The following WDR44 variants were observed in gnomAD, a reference collection of about 807,000 sequenced individuals.
WDR44 encodes WD repeat domain 44, also known as WD repeat-containing protein 44.
A neutral mutation model predicts 65.7 loss-of-function variants in WDR44; 9 were observed. The ratio of observed to expected loss-of-function variants is 0.14; its 90% CI spans 0.08 to 0.24. The LOEUF (loss-of-function observed/expected upper bound fraction) is 0.24, where lower values mean the gene tolerates loss of function less well. WDR44 is among the 10% of genes least tolerant of loss of function. WDR44 has a pLI of 1.00. For synonymous variants in WDR44, 220 were observed against 235.2 expected (o/e 0.94, Z 0.59); for missense variants, 425 against 670.9 (o/e 0.63, Z 4.05).
intron 11 of WDR44, among the ~76,000 whole-genome samples, chrX:118,410,638 G>A (rs1487284530): frequency 2.7e-5 from 3 of 111,467 alleles, no homozygotes; most frequent in Non-Finnish European, 5.7e-5. Flanking sequence ...TGTTCTATTC[G>A]AATACTGAGG....
chrX:118,423,774 G>A (rs1284850070), intron 12 of WDR44, among the ~76,000 whole-genome samples: 1 of 111,600 alleles, frequency 9.0e-6, no homozygotes, highest in Non-Finnish European at 1.9e-5. Flanking sequence ...CAGCCCCAAG[G>A]CCCTCGCAAT....
chrX:118,378,540 G>C, intron 2 of WDR44, 88 bp downstream of exon 2: 1 of 980,580 alleles, frequency 1.0e-6, no homozygotes, highest in Non-Finnish European at 1.4e-6. Context: ...TCTTGCTTTT[G>C]CTTTTTTTTA....
rs2056830576 is a variant in WDR44, at chrX:118,392,773, C to A, written c.328C>A (p.Leu110Met). Residue 110 changes from leucine to methionine, a missense_variant, in exon 4 of 20, where the codon CTG becomes ATG. Transcript: ENST00000254029. The part of the protein sequence containing the change: ...ARTDLSNIPG[L>M]LAIDQVLPEE... ...AACAGATCTGAGCAATATACCCGGA[C>A]TGTTAGCCATAGATCAAGTACTACC... 3 of 1,209,997 alleles carry A rather than the reference C, an allele frequency of 2.5e-6. No individual in the cohort carries two copies. Among genetic ancestry groups the A allele is most frequent in the Admixed American group, 4.4e-5 (2 of 45,700 alleles).
intron 8 of WDR44, 92 bp from the exon 9 acceptor site, chrX:118,404,246 G>A (rs1174747877): frequency 5.0e-6 from 3 of 595,344 alleles, no homozygotes; most frequent in Non-Finnish European, 8.2e-6. Flanking sequence ...TTTCAAAGTA[G>A]TGTACTTTAT....
intron 12 of WDR44, among the ~76,000 whole-genome samples, chrX:118,432,532 T>C (rs1183845113): frequency 3.6e-5 from 4 of 111,902 alleles, no homozygotes; most frequent in African/African-American, 1.3e-4. Flanking sequence ...AGATGCTTAT[T>C]AGGGGCTCTA....
At position 118,386,262 on chromosome X, in the gene WDR44, A is replaced by G; in HGVS notation, c.112-1078A>G. 1.1e-5 allele frequency: 3 copies of G among 277,868 alleles called. No homozygotes were observed. The South Asian group carries it at 1.3e-4, about 12-fold the overall frequency. The allele number at this position is 277,868 out of a possible 1,213,427, so 22.9% of individuals were successfully genotyped here. On this transcript the variant is annotated intron_variant, in intron 2 of 19. Coordinates refer to ENST00000254029, the MANE Select transcript of WDR44 (RefSeq NM_019045.5). ...GTTTTTTTTCCTCAGTATCAAGAGT[A>G]GCATTCAAATTGCTGTGCTTCTATA... is the stretch of plus-strand genomic sequence containing the variant.
intron 1 of WDR44, among the ~76,000 whole-genome samples, chrX:118,371,877 C>T (rs775914917): frequency 7.2e-5 from 8 of 110,551 alleles, no homozygotes; most frequent in Admixed American, 2.9e-4. Context: ...TTTATGTAGA[C>T]ATTTGAACTT....
At chrX:118,433,939 G>T (rs1391219393) in intron 13 of WDR44, among the ~76,000 whole-genome samples, 1 of 75,670 alleles carries the variant, frequency 1.3e-5, no homozygotes, top group Admixed American at 1.6e-4. Context: ...CCTTATCAAG[G>T]ATTTAAAACC....
intron 12 of WDR44, among the ~76,000 whole-genome samples, chrX:118,431,791 T>C (rs1291758952): frequency 8.9e-6 from 1 of 112,221 alleles, no homozygotes; most frequent in Non-Finnish European, 1.9e-5. Context: ...GGACTTACAG[T>C]TAGATGACTT....
chrX:118,412,809 C>T (rs919046953), intron 12 of WDR44, among the ~76,000 whole-genome samples: 1 of 111,715 alleles, frequency 9.0e-6, no homozygotes, highest in African/African-American at 3.3e-5. Context: ...AAGGAGTATA[C>T]ACTGCACCTA....
At position 118,378,913 on chromosome X, in the gene WDR44, G is replaced by A. The variant is rs778065050; in HGVS notation, c.111+461G>A. On this transcript the variant is annotated intron_variant, in intron 2 of 19. Coordinates refer to ENST00000254029, the MANE Select transcript of WDR44 (RefSeq NM_019045.5). ...ACAAAAATTATCCAGGTGTGGTGGCGCAGACCTGTATTCCCAGCTACTTGG... is the reference window on the plus strand; with the variant it reads ...ACAAAAATTATCCAGGTGTGGTGGCACAGACCTGTATTCCCAGCTACTTGG... 4.7e-5 allele frequency among the ~76,000 whole-genome samples: 5 copies of A among 107,481 alleles called. No homozygotes were observed. The South Asian group carries it at 2.1e-3, about 44-fold the overall frequency. The allele number at this position is 107,481 out of a possible 115,157, so 93.3% of individuals were successfully genotyped here.
At chrX:118,425,671 T>G (rs892697971) in intron 12 of WDR44, among the ~76,000 whole-genome samples, 2 of 111,765 alleles carry the variant, frequency 1.8e-5, no homozygotes, top group Non-Finnish European at 3.8e-5. Context: ...AGAAATGTCT[T>G]GTTAATTCTG....
At chrX:118,394,468 A>G (rs58004417) in intron 5 of WDR44, among the ~76,000 whole-genome samples, 1,156 of 111,989 alleles carry the variant, frequency 0.01, 18 homozygotes, top group African/African-American at 0.036. Flanking sequence ...GGTAATAGGT[A>G]TTCAAAAAAC....
intron 2 of WDR44, among the ~76,000 whole-genome samples, chrX:118,381,598 A>C (rs1186679542): frequency 1.4e-5 from 1 of 73,738 alleles, no homozygotes; most frequent in African/African-American, 5.8e-5. Context: ...TTTTTGATGG[A>C]GTCTCACTCT....
intron 2 of WDR44, among the ~76,000 whole-genome samples, chrX:118,387,051 A>G (rs1402204319): frequency 9.2e-6 from 1 of 109,014 alleles, no homozygotes; most frequent in Non-Finnish European, 1.9e-5. Context: ...GTGTGGTGGC[A>G]CGCGCCTATA....
intron 13 of WDR44, among the ~76,000 whole-genome samples, chrX:118,434,000 T>TA (rs1257287531): frequency 8.9e-6 from 1 of 112,056 alleles, no homozygotes; most frequent in African/African-American, 3.2e-5. Context: ...GCTAGGGAGA[T>TA]ACGGGAGTTT....
rs779568463 is a variant in WDR44, at chrX:118,414,809, C to T, written c.1737+3850C>T. Among the ~76,000 whole-genome samples, 5 of 111,358 alleles carry T rather than the reference C, an allele frequency of 4.5e-5. No individual in the cohort carries two copies. In the South Asian group the frequency reaches 1.9e-3, roughly 42 times the overall value. On this transcript the variant is annotated intron_variant, in intron 12 of 19. Transcript: ENST00000254029. ...CTTTAGGGTTTCCGAGGTAAATGAT[C>T]ATATCGTCAGCAAACAGTGACAGTT...
chrX:118,426,866 G>T (rs377102867), intron 12 of WDR44, among the ~76,000 whole-genome samples: 1 of 111,491 alleles, frequency 9.0e-6, no homozygotes, highest in African/African-American at 3.3e-5. Flanking sequence ...TGAAAGATAA[G>T]TAAGAAGATT....
intron 5 of WDR44, 121 bp from the exon 6 acceptor site, chrX:118,395,128 T>C (rs1306918693): frequency 1.5e-6 from 1 of 656,954 alleles, no homozygotes; most frequent in Non-Finnish European, 2.3e-6. Flanking sequence ...ATGTTCCATT[T>C]AGATTTTCAG....
Sources: gnomAD v4.1 joint callset for allele counts (sites outside exome capture counted in the v4.1 genomes callset) on GRCh38, gnomAD v4.1.1 for gene constraint, MANE v1.5 for transcripts, NCBI Gene and HGNC (gene_info 2026-07-23, HGNC 2026-07-21) for gene names.